The following NFIA variants were observed in gnomAD, a reference collection of about 807,000 sequenced individuals.
NFIA encodes nuclear factor 1 A-type.
A neutral mutation model predicts 62.8 loss-of-function variants in NFIA; 8 were observed. That is an observed-to-expected ratio of 0.13 (90% CI 0.07 to 0.23). The LOEUF is 0.23. Among genes scored for constraint, NFIA ranks in the 10% least tolerant of loss-of-function variants. The pLI, the probability that NFIA is intolerant of heterozygous loss-of-function variation, is 1.00. For synonymous variants in NFIA, 235 were observed against 238.1 expected, an observed-to-expected ratio of 0.99 and a Z score of 0.12; for missense variants, 410 against 642.1, an observed-to-expected ratio of 0.64 and a Z score of 3.91.
intron 10 of NFIA, among the ~76,000 whole-genome samples, chr1:61,438,307 G>A (rs1260360851): frequency 3.9e-5 from 6 of 152,130 alleles, no homozygotes; most frequent in Non-Finnish European, 7.4e-5. Context: ...AAAGCCCTCA[G>A]CACCCTGCCC....
intron 2 of NFIA, among the ~76,000 whole-genome samples, chr1:61,233,488 C>CA (rs1443112581): frequency 1.3e-5 from 2 of 152,134 alleles, no homozygotes; most frequent in Non-Finnish European, 2.9e-5. Flanking sequence ...TTGAGGAGCC[C>CA]AGTGAAGGGG....
At chr1:61,351,517 T>A (rs913789507) in intron 4 of NFIA, among the ~76,000 whole-genome samples, 6 of 152,184 alleles carry the variant, frequency 3.9e-5, no homozygotes, top group Admixed American at 3.3e-4. Flanking sequence ...GACATAACCT[T>A]TCAAAAAGAT....
chr1:61,219,721 A>AAAAAAAAAG (rs1553162644), intron 2 of NFIA, among the ~76,000 whole-genome samples: 7 of 150,576 alleles, frequency 4.6e-5, no homozygotes, highest in South Asian at 4.2e-4. Flanking sequence ...CTCAAAAAAA[A>AAAAAAAAAG]AAAAAGAAAA....
chr1:61,448,699 A>G (rs915968454), intron 10 of NFIA, among the ~76,000 whole-genome samples: 1 of 152,248 alleles, frequency 6.6e-6, no homozygotes, highest in African/African-American at 2.4e-5. Flanking sequence ...ACGGCTATGC[A>G]CACAGCTCTC....
intron 5 of NFIA, among the ~76,000 whole-genome samples, chr1:61,354,772 C>T (rs779179395): frequency 9.2e-5 from 14 of 152,060 alleles, no homozygotes; most frequent in African/African-American, 2.2e-4. Context: ...TAGTGTTTGC[C>T]GTCTTGAGTT....
At chr1:61,165,774 T>TTAC (rs1266819813) in intron 2 of NFIA, among the ~76,000 whole-genome samples, 1 of 152,174 alleles carries the variant, frequency 6.6e-6, no homozygotes, top group African/African-American at 2.4e-5. Flanking sequence ...ATCTGAAGGG[T>TTAC]TACTCCTCAA....
chr1:61,186,300 G>A (rs1651176420), intron 2 of NFIA, among the ~76,000 whole-genome samples: 2 of 136,712 alleles, frequency 1.5e-5, no homozygotes, highest in South Asian at 2.3e-4. Flanking sequence ...CTGTAAAAGT[G>A]AGATGTAAAA....
chr1:61,330,443 C>CCCCCCCCCA (rs554691317), intron 3 of NFIA, among the ~76,000 whole-genome samples: 2 of 90,620 alleles, frequency 2.2e-5, no homozygotes, highest in African/African-American at 6.3e-5. Flanking sequence ...TACACCCCCC[C>CCCCCCCCCA]CACACACACA....
At chr1:61,453,247 C>CA (rs1668139226) in intron 10 of NFIA, among the ~76,000 whole-genome samples, 1 of 151,950 alleles carries the variant, frequency 6.6e-6, no homozygotes, top group African/African-American at 2.4e-5. Context: ...TAATGATAGT[C>CA]ACGTCTGGGT....
rs201362416 is a variant in NFIA at position 61,433,601 on chromosome 1, T to TA, written c.1512+7052dup. ...TTTTGGGTCTTAAATTCTGTTAGTG[T>TA]AAAAAAAGTGTTTAACACCTAATGA... On this transcript the variant is annotated intron_variant, in intron 10 of 10. Transcript: ENST00000403491. Among the ~76,000 whole-genome samples the TA allele has an allele frequency of 4.4e-3, 677 of 152,180 alleles. 7 individuals are homozygous for TA. The highest frequency in any genetic ancestry group is 0.015 in the African/African-American group (640 of 41,528).
chr1:61,317,796 TTA>T (rs1660447945), intron 3 of NFIA, among the ~76,000 whole-genome samples: 1 of 152,130 alleles, frequency 6.6e-6, no homozygotes, highest in Non-Finnish European at 1.5e-5. Flanking sequence ...GATATAAAGA[TTA>T]TGTTTGTTAT....
chr1:61,420,388 T>TA (rs1044599410), intron 9 of NFIA, among the ~76,000 whole-genome samples: 4 of 152,010 alleles, frequency 2.6e-5, no homozygotes, highest in African/African-American at 9.7e-5. Flanking sequence ...TTTTTTTTTT[T>TA]AAATAGCATG....
intron 2 of NFIA, among the ~76,000 whole-genome samples, chr1:61,195,583 T>C (rs1302096328): frequency 1.3e-5 from 2 of 152,220 alleles, no homozygotes; most frequent in East Asian, 3.8e-4. Flanking sequence ...GGCTACCTCA[T>C]CCATTTTATC....
chr1:61,364,828 G>C (rs1372087401), intron 6 of NFIA, among the ~76,000 whole-genome samples: 1 of 152,126 alleles, frequency 6.6e-6, no homozygotes, highest in Non-Finnish European at 1.5e-5. Flanking sequence ...TTCTACAAGT[G>C]TAAGGAGCAC....
At chr1:61,424,506 AC>A (rs1055720419) in intron 9 of NFIA, among the ~76,000 whole-genome samples, 18 of 152,118 alleles carry the variant, frequency 1.2e-4, no homozygotes, top group African/African-American at 4.1e-4. Flanking sequence ...ACATGGACTC[AC>A]GTTTCAGCGT....
intron 2 of NFIA, among the ~76,000 whole-genome samples, chr1:61,119,588 T>C (rs1646854015): frequency 6.6e-6 from 1 of 152,202 alleles, no homozygotes; most frequent in Admixed American, 6.5e-5. Context: ...AAATAACTTG[T>C]GATAGTTCTT....
rs746189124 is a variant in NFIA, at chr1:61,191,280, C to T, written c.560-86240C>T. Among the ~76,000 whole-genome samples, 56 of 151,966 alleles carry T rather than the reference C, an allele frequency of 3.7e-4. 2 individuals carry two copies. The highest frequency in any genetic ancestry group is 6.8e-3 in the Middle Eastern group (2 of 294). Reference sequence around the variant, plus strand: ...TTTAAGGATTTGGCTATCAAAAATACGGGTAAGTAAAAGGAACCAAGAGAA... The same window carrying T: ...TTTAAGGATTTGGCTATCAAAAATATGGGTAAGTAAAAGGAACCAAGAGAA... On this transcript the variant is annotated intron_variant, in intron 2 of 10. Coordinates refer to ENST00000403491, the MANE Select transcript of NFIA (RefSeq NM_001134673.4).
At chr1:61,203,559 G>A (rs983546267) in intron 2 of NFIA, among the ~76,000 whole-genome samples, 1 of 152,074 alleles carries the variant, frequency 6.6e-6, no homozygotes, top group African/African-American at 2.4e-5. Flanking sequence ...GTGGAAGAAG[G>A]TAGGGAACAC....
chr1:61,125,684 T>C (rs775762873), intron 2 of NFIA, among the ~76,000 whole-genome samples: 8 of 152,210 alleles, frequency 5.3e-5, no homozygotes, highest in Admixed American at 1.3e-4. Context: ...AAGCATATTA[T>C]ACCTAAGAAG....
Sources: allele counts gnomAD v4.1 joint callset (sites outside exome capture counted in the v4.1 genomes callset), GRCh38; gene constraint gnomAD v4.1.1; transcripts MANE v1.5; gene names NCBI Gene and HGNC (gene_info 2026-07-23, HGNC 2026-07-21).